RNF152: variants seen among roughly 807,000 people sequenced by gnomAD.
RNF152 encodes the protein E3 ubiquitin-protein ligase RNF152.
RNF152 carries 11 observed loss-of-function variants against 12.7 expected under a neutral mutation model. The ratio of observed to expected loss-of-function variants is 0.86; its 90% CI spans 0.54 to 1.43. RNF152 has a LOEUF of 1.43. Among genes scored for constraint, RNF152 ranks in the 40% most tolerant of loss-of-function variants. RNF152 has a pLI of 0.00. For missense variants in RNF152, 255 were observed against 274.8 expected (o/e 0.93, Z 0.51); for synonymous variants, 113 against 120.3 (o/e 0.94, Z 0.40).
rs528072152 is a variant in RNF152, at chr18:61,877,819, C to T, written c.-136+14976G>A. ...ACCAGGAATACTGGCACGGCTGCTT[C>T]AGCAAAGTCTCTTCATCCCAAATGT... On this transcript the variant is annotated intron_variant, in intron 1 of 1. Transcript: ENST00000312828. 5.3e-5 allele frequency among the ~76,000 whole-genome samples: 8 copies of T among 152,318 alleles called. No homozygotes were observed. The South Asian group carries it at 1.7e-3, about 32-fold the overall frequency.
intron 1 of RNF152, among the ~76,000 whole-genome samples, chr18:61,884,140 C>A (rs1325927850): frequency 1.3e-5 from 2 of 152,138 alleles, no homozygotes; most frequent in East Asian, 1.9e-4. Context: ...TTTAGTCTTA[C>A]ATTGTGGAGG....
intron 1 of RNF152, among the ~76,000 whole-genome samples, chr18:61,881,494 G>A (rs1305817575): frequency 2.0e-5 from 3 of 152,110 alleles, no homozygotes; most frequent in African/African-American, 7.2e-5. Flanking sequence ...CCATTTCTAG[G>A]GTTTCTGTCT....
chr18:61,844,077 G>GGAAA (rs35978592), intron 1 of RNF152, among the ~76,000 whole-genome samples: 8,273 of 68,344 alleles, frequency 0.12, 540 homozygotes, highest in East Asian at 0.18. Flanking sequence ...CAGAAAGAAA[G>GGAAA]GAAAGAAAGA....
intron 1 of RNF152, among the ~76,000 whole-genome samples, chr18:61,830,720 A>C (rs751302918): frequency 6.6e-6 from 1 of 152,200 alleles, no homozygotes; most frequent in Non-Finnish European, 1.5e-5. Flanking sequence ...AGGAGGAGGA[A>C]GAAGGCATGG....
In RNF152 at chr18:61,885,310, T is replaced by TTTTG. The variant is rs60594023; in HGVS notation, c.-136+7481_-136+7484dup. 1.1e-3 allele frequency among the ~76,000 whole-genome samples: 169 copies of TTTTG among 151,292 alleles called. 1 individual carries two copies. The highest frequency in any genetic ancestry group is 4.0e-3 in the African/African-American group (165 of 41,228). On this transcript the variant is annotated intron_variant, in intron 1 of 1. Coordinates refer to ENST00000312828, the MANE Select transcript of RNF152 (RefSeq NM_173557.3). Reference sequence around the variant, plus strand: ...TTCACTACCTTTCAAACTGAGAGTGTTTTGTTTGTTTGTTTGAGACAGAGC... The same window carrying TTTTG: ...TTCACTACCTTTCAAACTGAGAGTGTTTTGTTTGTTTGTTTGTTTGAGACAGAGC...
chr18:61,871,231 G>T (rs1219106861), intron 1 of RNF152, among the ~76,000 whole-genome samples: 1 of 120,242 alleles, frequency 8.3e-6, no homozygotes. Flanking sequence ...AAAACAGAAG[G>T]GAATTGATTC....
chr18:61,865,226 C>G (rs1911675997), intron 1 of RNF152, among the ~76,000 whole-genome samples: 1 of 152,180 alleles, frequency 6.6e-6, no homozygotes, highest in Non-Finnish European at 1.5e-5. Flanking sequence ...TACCAATAAT[C>G]ATTCTGGGGA....
chr18:61,844,407 C>T (rs557149198), intron 1 of RNF152, among the ~76,000 whole-genome samples: 1 of 152,150 alleles, frequency 6.6e-6, no homozygotes, highest in East Asian at 1.9e-4. Context: ...TTATGAGTAA[C>T]AGACTATTGG....
At chr18:61,850,560 A>T (rs775569727) in intron 1 of RNF152, among the ~76,000 whole-genome samples, 18 of 152,236 alleles carry the variant, frequency 1.2e-4, no homozygotes, top group Non-Finnish European at 2.4e-4. Flanking sequence ...ATTTCAAGTT[A>T]CTGAGAGGCA....
chr18:61,837,569 T>G (rs1433059219), intron 1 of RNF152, among the ~76,000 whole-genome samples: 1 of 152,236 alleles, frequency 6.6e-6, no homozygotes, highest in Admixed American at 6.5e-5. Flanking sequence ...CAAAGTATTT[T>G]TTTAATTACT....
intron 1 of RNF152, among the ~76,000 whole-genome samples, chr18:61,892,482 G>A (rs1913007906): frequency 6.6e-6 from 1 of 152,074 alleles, no homozygotes; most frequent in South Asian, 2.1e-4. Context: ...AAGAAAGCAG[G>A]CATCTATGGA....
chr18:61,879,011 A>G (rs898672826), intron 1 of RNF152, among the ~76,000 whole-genome samples: 2 of 152,232 alleles, frequency 1.3e-5, no homozygotes, highest in Non-Finnish European at 2.9e-5. Flanking sequence ...ATGGAAAGGA[A>G]AGTAAGTCTG....
chr18:61,866,968 G>T (rs1372095703), intron 1 of RNF152, among the ~76,000 whole-genome samples: 1 of 152,232 alleles, frequency 6.6e-6, no homozygotes, highest in Non-Finnish European at 1.5e-5. Context: ...GGGGTGGAGG[G>T]ATGGGAAGGG....
Position 61,858,410 on chromosome 18 carries a change from C to A in RNF152, c.-136+34385G>T, listed in dbSNP as rs192089343. On this transcript the variant is annotated intron_variant, in intron 1 of 1. Transcript: ENST00000312828. ...AGATTCCTGCCAGCCCTTCCCTCCC[C>A]CAAGCTCTCTGGACCTATCTCCCCT... Among the ~76,000 whole-genome samples, 119 of 152,250 alleles carry A rather than the reference C, an allele frequency of 7.8e-4. 1 individual carries two copies. Among genetic ancestry groups the A allele is most frequent in the Admixed American group, 1.3e-3 (20 of 15,300 alleles).
At position 61,811,595 on chromosome 18, in the gene RNF152, A is replaced by C. The variant is rs535070120; in HGVS notation, c.*4257T>G. Reference sequence around the variant, plus strand: ...TGATGCCCACATATGCCCACACCAAATACAACGACAAGCTGGCCAACTTCA... The same window carrying C: ...TGATGCCCACATATGCCCACACCAACTACAACGACAAGCTGGCCAACTTCA... On this transcript the variant is annotated 3_prime_UTR_variant, in exon 2 of 2. Transcript: ENST00000312828. 6.6e-6 allele frequency: 1 copy of C among 152,322 alleles called. No homozygotes were observed. The highest frequency in any genetic ancestry group is 1.9e-4 in the East Asian group (1 of 5,180). The allele number at this position is 152,322 out of a possible 1,614,324, so 9.4% of individuals were successfully genotyped here.
At chr18:61,865,648 G>C (rs1911692169) in intron 1 of RNF152, among the ~76,000 whole-genome samples, 1 of 152,036 alleles carries the variant, frequency 6.6e-6, no homozygotes, top group South Asian at 2.1e-4. Context: ...ATTTAGTTTA[G>C]AGTCTCTGTT....
chr18:61,892,605 G>C (rs747672224), intron 1 of RNF152, among the ~76,000 whole-genome samples, 190 bp downstream of exon 1: 1 of 152,138 alleles, frequency 6.6e-6, no homozygotes, highest in Non-Finnish European at 1.5e-5. Context: ...ACCTCCAATG[G>C]CTTCTTCAAA....
At chr18:61,850,879 C>G (rs1910939873) in intron 1 of RNF152, among the ~76,000 whole-genome samples, 1 of 152,138 alleles carries the variant, frequency 6.6e-6, no homozygotes, top group Admixed American at 6.5e-5. Context: ...AAGCTCCATC[C>G]AGGCAGACAG....
chr18:61,854,998 T>C (rs1012460741), intron 1 of RNF152, among the ~76,000 whole-genome samples: 1 of 152,228 alleles, frequency 6.6e-6, no homozygotes, highest in Non-Finnish European at 1.5e-5. Context: ...AAAGGTCATG[T>C]GGAAGAATTC....
Sources: gnomAD v4.1 joint callset for allele counts (sites outside exome capture counted in the v4.1 genomes callset) on GRCh38, gnomAD v4.1.1 for gene constraint, MANE v1.5 for transcripts, NCBI Gene and HGNC (gene_info 2026-07-23, HGNC 2026-07-21) for gene names.